Variants in HSP90AA1 observed in about 807,000 individuals in gnomAD.
HSP90AA1 encodes the protein heat shock protein HSP 90-alpha.
Under a neutral mutation model 73.3 loss-of-function variants are expected in HSP90AA1, and 18 were observed. That is an observed-to-expected ratio of 0.25 (90% CI 0.17 to 0.36). The LOEUF (loss-of-function observed/expected upper bound fraction) is 0.36. Ranked by LOEUF, HSP90AA1 falls within the 10% of genes least tolerant of loss-of-function variation. The pLI is 1.00. For missense variants in HSP90AA1, 704 were observed against 874.2 expected, an observed-to-expected ratio of 0.81 and a Z score of 2.45; for synonymous variants, 477 against 296.9, an observed-to-expected ratio of 1.61 and a Z score of -6.24.
At chr14:102,110,527 C>A (rs1386500424) in intron 1 of HSP90AA1, among the ~76,000 whole-genome samples, 1 of 152,036 alleles carries the variant, frequency 6.6e-6, no homozygotes, top group East Asian at 1.9e-4. Flanking sequence ...TCAAGCAATT[C>A]TCCTGCCTCA....
chr14:102,107,362 A>G lies in HSP90AA1; in HGVS notation c.156-5277T>C, dbSNP rs368186888. 1.6e-3 allele frequency among the ~76,000 whole-genome samples: 236 copies of G among 151,726 alleles called. 2 individuals carry two copies. The highest frequency in any genetic ancestry group is 5.2e-3 in the African/African-American group (213 of 41,226). On this transcript the variant is annotated intron_variant, in intron 1 of 11. Transcript: ENST00000334701. ...TTTTTTTGAGACGTAGTGTTGCTCTATTGCCAGGCTGGAGTGCAGTGGCAT... is the reference window on the plus strand; with the variant it reads ...TTTTTTTGAGACGTAGTGTTGCTCTGTTGCCAGGCTGGAGTGCAGTGGCAT...
chr14:102,113,714 T>G (rs1265073444), intron 1 of HSP90AA1, among the ~76,000 whole-genome samples: 1 of 151,598 alleles, frequency 6.6e-6, no homozygotes, highest in Admixed American at 6.6e-5. Flanking sequence ...TTTTATTTAT[T>G]TATTTGTTTA....
At chr14:102,113,404 C>T (rs923263122) in intron 1 of HSP90AA1, among the ~76,000 whole-genome samples, 14 of 149,556 alleles carry the variant, frequency 9.4e-5, no homozygotes, top group African/African-American at 3.0e-4. Flanking sequence ...AGTCTCACTA[C>T]GTCACCCAGG....
At chr14:102,088,907 CTTT>C (rs887578558), upstream of HSP90AA1, among the ~76,000 whole-genome samples, 1 of 55,168 alleles carries the variant, frequency 1.8e-5, no homozygotes, top group Non-Finnish European at 6.5e-5. Flanking sequence ...TTTTTCTTTT[CTTT>C]TTTTTTTTTT....
At position 102,084,584 on chromosome 14, in the gene HSP90AA1, C is replaced by G; in HGVS notation, c.982-20G>C. On this transcript the variant is annotated intron_variant, in intron 5 of 10. Coordinates refer to ENST00000216281, the MANE Select transcript of HSP90AA1 (RefSeq NM_005348.4). ...AAAATGCTGTAATAAAACAGATACACTAAGTACCAATGAACAATGCATTAT... is the reference window on the plus strand; with the variant it reads ...AAAATGCTGTAATAAAACAGATACAGTAAGTACCAATGAACAATGCATTAT... The G allele has an allele frequency of 6.2e-7, 1 of 1,614,162 alleles. No homozygotes were observed.
intron 1 of HSP90AA1, among the ~76,000 whole-genome samples, 170 bp from the exon 2 acceptor site, chr14:102,086,548 G>A (rs374356408): frequency 4.7e-4 from 71 of 152,260 alleles, no homozygotes; most frequent in Non-Finnish European, 8.7e-4. Flanking sequence ...TCGGAGCGCG[G>A]CAACTACCAC....
rs1026361023 is a variant in HSP90AA1, at chr14:102,118,416, T to C, written c.156-16331A>G. Reference sequence around the variant, plus strand: ...CCCTTCATTACTTCTATTACTTATTTTTTTTTTTAATTGAGATGGGGTCTA... The same window carrying C: ...CCCTTCATTACTTCTATTACTTATTCTTTTTTTTAATTGAGATGGGGTCTA... On this transcript the variant is annotated intron_variant, in intron 1 of 11. Transcript: ENST00000334701. Among the ~76,000 whole-genome samples the C allele has an allele frequency of 1.1e-4, 16 of 152,200 alleles. No homozygotes were observed. The East Asian group carries it at 2.1e-3, about 20-fold the overall frequency.
chr14:102,113,891 T>C (rs2049674519), intron 1 of HSP90AA1, among the ~76,000 whole-genome samples: 1 of 152,090 alleles, frequency 6.6e-6, no homozygotes, highest in Non-Finnish European at 1.5e-5. Flanking sequence ...TTTCTATTTT[T>C]AGTTGAGACG....
Position 102,083,750 on chromosome 14 carries a change from AC to A in HSP90AA1, c.1338+42del, listed in dbSNP as rs779760515. The A allele has an allele frequency of 1.3e-5, 20 of 1,534,936 alleles. No individual in the cohort carries two copies. In the African/African-American group the frequency reaches 1.9e-4, roughly 15 times the overall value. ...TCTGAATTAAAAAAAAAAAAAAAAA[AC>A]TAAAGAGGCCAATTGGAAAACTAAT... On this transcript the variant is annotated intron_variant, in intron 7 of 10. Transcript: ENST00000216281.
rs573287215 is a variant in HSP90AA1 at position 102,108,086 on chromosome 14, G to C, written c.156-6001C>G. 3.7e-4 allele frequency among the ~76,000 whole-genome samples: 56 copies of C among 151,520 alleles called. 1 individual carries two copies. The highest frequency in any genetic ancestry group is 5.2e-4 in the Non-Finnish European group (35 of 67,908). On this transcript the variant is annotated intron_variant, in intron 1 of 11. Transcript: ENST00000334701. ...AGACCAACCTGGGCAACATGGCGAG[G>C]CCATGTCTCTACAAAAATTTTAGAA...
At position 102,085,591 on chromosome 14, in the gene HSP90AA1, G is replaced by T. The variant is rs897244650; in HGVS notation, c.530-160C>A. ...TTTGGGCAAGGTGCCTCGCCCAAAA[G>T]AACCGCCCACCAAGTCATGCCATTA... On this transcript the variant is annotated intron_variant, in intron 3 of 10. Transcript: ENST00000216281. 8 of 1,250,170 alleles carry T rather than the reference G, an allele frequency of 6.4e-6. No homozygotes were observed. In the Admixed American group the frequency reaches 1.2e-4, roughly 18 times the overall value. 77.4% of individuals were successfully genotyped at this position (1,250,170 alleles called of 1,614,324 possible). A position where few individuals can be genotyped will look rare whatever the true frequency, so the allele number is the denominator to read the frequency against.
At chr14:102,086,178 T>C (rs2049227820) in intron 2 of HSP90AA1, 39 bp downstream of exon 2, 2 of 1,614,156 alleles carry the variant, frequency 1.2e-6, no homozygotes, top group Non-Finnish European at 1.7e-6. Context: ...AAGTTCACAC[T>C]GAAACCAAAA....
At chr14:102,113,342 C>T (rs1015526551) in intron 1 of HSP90AA1, among the ~76,000 whole-genome samples, 7 of 145,492 alleles carry the variant, frequency 4.8e-5, no homozygotes, top group Non-Finnish European at 1.1e-4. Flanking sequence ...TGCTTGCTTT[C>T]TCTCTCTCTC....
At chr14:102,102,868 A>G (rs1163755078) in intron 1 of HSP90AA1, among the ~76,000 whole-genome samples, 1 of 151,912 alleles carries the variant, frequency 6.6e-6, no homozygotes. Flanking sequence ...AGACCCCCCA[A>G]AAAAGAAACA....
chr14:102,106,105 G>A (rs1299182961), intron 1 of HSP90AA1, among the ~76,000 whole-genome samples: 1 of 152,056 alleles, frequency 6.6e-6, no homozygotes, highest in Non-Finnish European at 1.5e-5. Context: ...AACGGTTCAG[G>A]CAAAGGAGGA....
chr14:102,127,766 C>T (rs1348818851), intron 1 of HSP90AA1, among the ~76,000 whole-genome samples: 1 of 152,142 alleles, frequency 6.6e-6, no homozygotes, highest in Non-Finnish European at 1.5e-5. Flanking sequence ...ATCCTCCCAA[C>T]TCAGCCTCCC....
At chr14:102,128,354 G>A (rs1394366428) in intron 1 of HSP90AA1, among the ~76,000 whole-genome samples, 1 of 151,422 alleles carries the variant, frequency 6.6e-6, no homozygotes, top group African/African-American at 2.4e-5. Flanking sequence ...TAGGATGGGC[G>A]CAGTGGCTCA....
exon 1 of HSP90AA1, chr14:102,139,282 G>A: frequency 6.2e-7 from 1 of 1,614,094 alleles, no homozygotes; most frequent in East Asian, 2.2e-5. Context: ...AGGCTTCAGA[G>A]GGGCTTCCTG....
rs747665017 is a variant in HSP90AA1 at position 102,084,929 on chromosome 14, TTTC to T, written c.730_732del (p.Glu244del). ...TCCGACTCTTTCTCTTCTTTTTCTT[TTTC>T]TTCTTCTTTGTCTTCCTTTTCTTCA... On this transcript the variant is annotated inframe_deletion, in exon 5 of 11. Transcript: ENST00000216281. The T allele has an allele frequency of 6.8e-5, 108 of 1,593,782 alleles. No homozygotes were observed. The highest frequency in any genetic ancestry group is 4.6e-4 in the South Asian group (42 of 90,598).
Sources: allele counts gnomAD v4.1 joint callset (sites outside exome capture counted in the v4.1 genomes callset), GRCh38; gene constraint gnomAD v4.1.1; transcripts MANE v1.5; gene names NCBI Gene and HGNC (gene_info 2026-07-23, HGNC 2026-07-21).